Variants in DNAI3 observed in about 807,000 individuals in gnomAD.
The protein encoded by DNAI3 is WD repeat domain 63.
In DNAI3, 83 loss-of-function variants were observed where a neutral mutation model predicts 115.5. The ratio of observed to expected loss-of-function variants is 0.72; its 90% confidence interval spans 0.60 to 0.86. The LOEUF (loss-of-function observed/expected upper bound fraction) is 0.86, where lower values mean the gene tolerates loss of function less well. Among genes scored for constraint, DNAI3 ranks in the 40% least tolerant of loss-of-function variants. The pLI is 0.00. For missense variants in DNAI3, 1,004 were observed against 1,075.8 expected (o/e 0.93, Z 0.93); for synonymous variants, 320 against 347.0 (o/e 0.92, Z 0.86).
chr1:85,131,392 C>T (rs1409677710), intron 22 of DNAI3, among the ~76,000 whole-genome samples: 4 of 143,644 alleles, frequency 2.8e-5, no homozygotes, highest in Non-Finnish European at 3.0e-5. Flanking sequence ...TATGGTGAGC[C>T]GAGATTGTGC....
chr1:85,074,250 A>G (rs568771146), intron 3 of DNAI3, among the ~76,000 whole-genome samples: 1 of 152,166 alleles, frequency 6.6e-6, no homozygotes, highest in East Asian at 1.9e-4. Flanking sequence ...CACTGCTTCC[A>G]CTCAGCCTCC....
chr1:85,117,652 G>T, intron 16 of DNAI3, 77 bp from the exon 17 acceptor site: 1 of 1,575,198 alleles, frequency 6.3e-7, no homozygotes. Flanking sequence ...GCAAGGGGCA[G>T]AAAATGTAAA....
chr1:85,093,803 C>T (rs1431072452), intron 9 of DNAI3, 155 bp downstream of exon 9: 2 of 845,600 alleles, frequency 2.4e-6, no homozygotes, highest in Non-Finnish European at 3.9e-6. Flanking sequence ...CACGCCCTCA[C>T]TGTCATGTGT....
At chr1:85,124,324 G>A (rs1293765369) in intron 19 of DNAI3, 73 bp downstream of exon 19, 1 of 1,608,852 alleles carries the variant, frequency 6.2e-7, no homozygotes, top group Non-Finnish European at 8.5e-7. Flanking sequence ...GAACTGTTAT[G>A]TTCTGACATA....
intron 3 of DNAI3, among the ~76,000 whole-genome samples, chr1:85,079,124 A>G (rs1654549007): frequency 6.6e-6 from 1 of 152,222 alleles, no homozygotes; most frequent in Non-Finnish European, 1.5e-5. Context: ...TGGTTTTCTC[A>G]GACAAAACTA....
chr1:85,115,369 T>G (rs994897548), intron 16 of DNAI3, among the ~76,000 whole-genome samples: 3 of 152,188 alleles, frequency 2.0e-5, no homozygotes, highest in Non-Finnish European at 2.9e-5. Flanking sequence ...TACTCATCCT[T>G]GGAGGAGGAT....
chr1:85,128,883 G>A, intron 21 of DNAI3, 84 bp downstream of exon 21: 2 of 1,275,224 alleles, frequency 1.6e-6, no homozygotes, highest in South Asian at 1.3e-5. Context: ...AGAAATGACA[G>A]CATTTTTGCT....
intron 2 of DNAI3, 82 bp from the exon 3 acceptor site, chr1:85,072,972 A>AAT: frequency 1.5e-4 from 73 of 503,132 alleles, no homozygotes; most frequent in Non-Finnish European, 2.2e-4. Flanking sequence ...AAAAAAAAAA[A>AAT]AAGAAGAAAT....
chr1:85,064,643 T>A (rs2100547885), intron 1 of DNAI3, among the ~76,000 whole-genome samples: 1 of 152,308 alleles, frequency 6.6e-6, no homozygotes, highest in East Asian at 1.9e-4. Context: ...CTCACGTCTA[T>A]AATTCCAGCA....
At chr1:85,085,467 C>T (rs1654774875) in intron 6 of DNAI3, among the ~76,000 whole-genome samples, 1 of 152,170 alleles carries the variant, frequency 6.6e-6, no homozygotes, top group Non-Finnish European at 1.5e-5. Context: ...CAAAAGTCTG[C>T]AGAGGGAAGG....
At chr1:85,130,577 C>T (rs1369245541) in intron 22 of DNAI3, among the ~76,000 whole-genome samples, 2 of 151,730 alleles carry the variant, frequency 1.3e-5, no homozygotes, top group Non-Finnish European at 2.9e-5. Flanking sequence ...ACTAGGATTA[C>T]TGTAAGGCTG....
intron 17 of DNAI3, among the ~76,000 whole-genome samples, chr1:85,120,562 A>T (rs755104343): frequency 1.3e-5 from 2 of 152,166 alleles, no homozygotes; most frequent in Non-Finnish European, 2.9e-5. Context: ...TCATTGTTTC[A>T]TGTACTGGCT....
At position 85,080,087 on chromosome 1, in the gene DNAI3, T is replaced by C. The variant is rs545455552; in HGVS notation, c.104-1147T>C. On this transcript the variant is annotated intron_variant, in intron 3 of 22. Transcript: ENST00000294664. ...TTTTTTTTGAGACAGAGTCTCCCTC[T>C]GTTGTCCAGGCTGGGGTGCAGTGGT... Among the ~76,000 whole-genome samples the C allele has an allele frequency of 3.2e-3, 446 of 141,148 alleles. 5 individuals carry two copies. Among genetic ancestry groups the C allele is most frequent in the African/African-American group, 0.011 (424 of 38,142 alleles). 92.6% of individuals were successfully genotyped at this position (141,148 alleles called of 152,430 possible).
intron 7 of DNAI3, among the ~76,000 whole-genome samples, chr1:85,088,539 T>C (rs934471730): frequency 2.6e-5 from 4 of 152,186 alleles, no homozygotes; most frequent in Admixed American, 6.5e-5. Context: ...ATAATGACAG[T>C]GAAAGCAAAT....
At chr1:85,074,225 G>A (rs183477949) in intron 3 of DNAI3, among the ~76,000 whole-genome samples, 43 of 152,188 alleles carry the variant, frequency 2.8e-4, no homozygotes, top group Non-Finnish European at 5.7e-4. Context: ...AGTTCCCAAG[G>A]CTCCTATTTG....
intron 4 of DNAI3, among the ~76,000 whole-genome samples, chr1:85,081,998 ATTCATAATTTTGG>A (rs1400930412): frequency 6.6e-6 from 1 of 152,204 alleles, no homozygotes; most frequent in African/African-American, 2.4e-5. Flanking sequence ...TAATTGTTTA[ATTCATAATTTTGG>A]TTCTGATTTA....
chr1:85,119,450 C>A lies in DNAI3; in HGVS notation c.1917+1591C>A, dbSNP rs1387316989. On this transcript the variant is annotated intron_variant, in intron 17 of 22. Coordinates refer to ENST00000294664, the MANE Select transcript of DNAI3 (RefSeq NM_145172.5). ...TATACAATATTTGTCCTTTTGTGCA[C>A]CAAAGTTTATAAAGCAGGGGAATGA... Among the ~76,000 whole-genome samples, 3 of 152,196 alleles carry A rather than the reference C, an allele frequency of 2.0e-5. No individual in the cohort carries two copies. The East Asian group carries it at 5.8e-4, about 29-fold the overall frequency.
intron 14 of DNAI3, among the ~76,000 whole-genome samples, chr1:85,105,528 C>CAAAA (rs755945527): frequency 5.8e-5 from 3 of 51,684 alleles, no homozygotes; most frequent in Admixed American, 2.0e-4. Context: ...AACTCTGTCT[C>CAAAA]AAAAAAAAAA....
intron 13 of DNAI3, among the ~76,000 whole-genome samples, chr1:85,102,099 T>C (rs531438978): frequency 9.9e-5 from 15 of 152,174 alleles, no homozygotes; most frequent in Admixed American, 4.6e-4. Context: ...TGGGTACAAA[T>C]ATACAGTTAG....
Sources: gnomAD v4.1 joint callset for allele counts (sites outside exome capture counted in the v4.1 genomes callset) on GRCh38, gnomAD v4.1.1 for gene constraint, MANE v1.5 for transcripts, NCBI Gene and HGNC (gene_info 2026-07-23, HGNC 2026-07-21) for gene names.